Variants in PRKCE observed in about 807,000 individuals in gnomAD.
PRKCE encodes the protein protein kinase C epsilon type.
PRKCE carries 16 observed loss-of-function variants against 85.4 expected under a neutral mutation model. That is an observed-to-expected ratio of 0.19 (90% CI 0.13 to 0.28). The LOEUF (loss-of-function observed/expected upper bound fraction) is 0.28, where lower values mean the gene tolerates loss of function less well. PRKCE is among the 10% of genes least tolerant of loss of function. PRKCE has a pLI of 1.00. For synonymous variants in PRKCE, 388 were observed against 371.5 expected (o/e 1.04, Z -0.51); for missense variants, 573 against 975.2 (o/e 0.59, Z 5.49).
chr2:45,819,061 T>C (rs945693682), intron 1 of PRKCE, among the ~76,000 whole-genome samples: 1 of 152,188 alleles, frequency 6.6e-6, no homozygotes, highest in Admixed American at 6.5e-5. Context: ...GCATTTGCTC[T>C]TCTCCCTAAA....
At chr2:45,752,858 C>CT (rs1320216729) in intron 1 of PRKCE, among the ~76,000 whole-genome samples, 3 of 152,030 alleles carry the variant, frequency 2.0e-5, no homozygotes, top group African/African-American at 7.3e-5. Flanking sequence ...GACTTAGTGG[C>CT]TTATATAAGT....
intron 1 of PRKCE, among the ~76,000 whole-genome samples, chr2:45,807,521 A>T (rs949353546): frequency 6.6e-6 from 1 of 152,228 alleles, no homozygotes; most frequent in African/African-American, 2.4e-5. Flanking sequence ...AAGGGTACAG[A>T]AAAGCCATTT....
chr2:45,961,297 A>G (rs901957123), intron 2 of PRKCE, among the ~76,000 whole-genome samples: 4 of 152,134 alleles, frequency 2.6e-5, no homozygotes, highest in South Asian at 2.1e-4. Flanking sequence ...TTTCCTTGCA[A>G]TGTTTACCCT....
intron 2 of PRKCE, among the ~76,000 whole-genome samples, chr2:45,961,047 T>G (rs1446923446): frequency 6.6e-6 from 1 of 152,218 alleles, no homozygotes; most frequent in African/African-American, 2.4e-5. Flanking sequence ...ATACCAGGAC[T>G]TTAGCGTCTC....
intron 2 of PRKCE, among the ~76,000 whole-genome samples, chr2:45,958,873 A>G (rs1211466261): frequency 8.4e-6 from 1 of 119,738 alleles, no homozygotes; most frequent in Non-Finnish European, 1.6e-5. Context: ...TCCTTTAGCC[A>G]TCACATTCCA....
At chr2:45,830,411 T>C (rs1305066019) in intron 1 of PRKCE, among the ~76,000 whole-genome samples, 1 of 151,918 alleles carries the variant, frequency 6.6e-6, no homozygotes, top group Non-Finnish European at 1.5e-5. Flanking sequence ...TGTCAGAAAA[T>C]TTCAGAGGAA....
intron 2 of PRKCE, among the ~76,000 whole-genome samples, chr2:45,948,607 C>G (rs1482174050): frequency 6.6e-6 from 1 of 152,212 alleles, no homozygotes; most frequent in Non-Finnish European, 1.5e-5. Context: ...GCACTGCACT[C>G]TAGCCTGGGT....
intron 10 of PRKCE, among the ~76,000 whole-genome samples, chr2:46,016,618 G>T (rs577272296): frequency 2.4e-4 from 37 of 152,142 alleles, no homozygotes; most frequent in African/African-American, 7.9e-4. Flanking sequence ...TTTTAAAAGT[G>T]CCCTGACTGG....
intron 1 of PRKCE, among the ~76,000 whole-genome samples, chr2:45,795,419 C>A (rs1319022172): frequency 6.6e-6 from 1 of 152,176 alleles, no homozygotes; most frequent in Non-Finnish European, 1.5e-5. Context: ...AGTGATTCTC[C>A]TGCCTCAGCC....
intron 1 of PRKCE, among the ~76,000 whole-genome samples, chr2:45,737,555 T>C (rs1266666827): frequency 6.6e-6 from 1 of 151,778 alleles, no homozygotes; most frequent in Non-Finnish European, 1.5e-5. Context: ...ACCTCTCGGC[T>C]CCTTTTCTGC....
chr2:45,699,888 G>C (rs969851775), intron 1 of PRKCE, among the ~76,000 whole-genome samples: 5 of 152,096 alleles, frequency 3.3e-5, no homozygotes, highest in Non-Finnish European at 7.4e-5. Context: ...TGGAGAAATG[G>C]GTGCTCGTTT....
At chr2:45,700,400 C>G (rs1678533596) in intron 1 of PRKCE, 1 of 151,988 alleles carries the variant, frequency 6.6e-6, no homozygotes, top group African/African-American at 2.4e-5. Flanking sequence ...TCAGAGAGGG[C>G]TCCTTGGTCG....
chr2:45,897,749 C>T (rs1345884501), intron 2 of PRKCE, among the ~76,000 whole-genome samples: 2 of 152,120 alleles, frequency 1.3e-5, no homozygotes, highest in African/African-American at 4.8e-5. Context: ...ATGGAGAAAA[C>T]AGCAATATGG....
chr2:46,054,829 C>T (rs1266247559), intron 10 of PRKCE, among the ~76,000 whole-genome samples: 1 of 150,692 alleles, frequency 6.6e-6, no homozygotes, highest in African/African-American at 2.5e-5. Context: ...AACCCCAGAA[C>T]TCAGACAGCA....
intron 2 of PRKCE, among the ~76,000 whole-genome samples, chr2:45,853,344 GAAA>G (rs1191648685): frequency 6.6e-6 from 1 of 152,176 alleles, no homozygotes; most frequent in Non-Finnish European, 1.5e-5. Context: ...ATTATACCAG[GAAA>G]ACAAAGCACT....
At chr2:46,095,285 G>C (rs1433218590) in intron 11 of PRKCE, among the ~76,000 whole-genome samples, 1 of 152,170 alleles carries the variant, frequency 6.6e-6, no homozygotes, top group Non-Finnish European at 1.5e-5. Context: ...AGACGGCCTG[G>C]TGGCCAGCAT....
At chr2:45,885,460 C>T (rs1405156383) in intron 2 of PRKCE, among the ~76,000 whole-genome samples, 1 of 152,166 alleles carries the variant, frequency 6.6e-6, no homozygotes, top group Non-Finnish European at 1.5e-5. Context: ...GAAGCTGCTG[C>T]TATTAATTGG....
intron 6 of PRKCE, among the ~76,000 whole-genome samples, chr2:45,986,952 G>A (rs973744143): frequency 2.0e-5 from 3 of 152,126 alleles, no homozygotes; most frequent in African/African-American, 7.2e-5. Flanking sequence ...GCAGAGGAGT[G>A]ATGTGCTTTT....
chr2:46,017,434 C>CAT (rs1706262606), intron 10 of PRKCE, among the ~76,000 whole-genome samples: 4 of 152,160 alleles, frequency 2.6e-5, no homozygotes, highest in Non-Finnish European at 5.9e-5. Context: ...TGTATAATAT[C>CAT]ACATTTCACT....
Sources: gnomAD v4.1 joint callset for allele counts (sites outside exome capture counted in the v4.1 genomes callset) on GRCh38, gnomAD v4.1.1 for gene constraint, MANE v1.5 for transcripts, NCBI Gene and HGNC (gene_info 2026-07-23, HGNC 2026-07-21) for gene names.